MAMDC2: variants seen among roughly 807,000 people sequenced by gnomAD.
MAMDC2 encodes MAM domain containing 2.
A neutral mutation model predicts 89.8 loss-of-function variants in MAMDC2; 57 were observed. That is an observed-to-expected ratio of 0.63 (90% CI 0.51 to 0.79). The LOEUF is 0.79. MAMDC2 is among the 30% of genes least tolerant of loss of function. The pLI is 0.00. For missense variants in MAMDC2, 800 were observed against 820.6 expected (o/e 0.97, Z 0.31); for synonymous variants, 313 against 293.4 (o/e 1.07, Z -0.68).
intron 5 of MAMDC2, among the ~76,000 whole-genome samples, chr9:70,118,342 A>ACACACACACACACACACACACACC: frequency 8.5e-6 from 1 of 117,254 alleles, no homozygotes; most frequent in Non-Finnish European, 1.9e-5. Flanking sequence ...ACACACACAC[A>ACACACACACACACACACACACACC]CACACAGTCC....
intron 11 of MAMDC2, among the ~76,000 whole-genome samples, chr9:70,185,900 G>C (rs1487965737): frequency 6.6e-6 from 1 of 152,136 alleles, no homozygotes; most frequent in Non-Finnish European, 1.5e-5. Context: ...GTTCTGTCCT[G>C]CTGGGGTTCT....
intron 2 of MAMDC2, among the ~76,000 whole-genome samples, chr9:70,100,367 T>C (rs1446241810): frequency 6.6e-6 from 1 of 152,216 alleles, no homozygotes; most frequent in African/African-American, 2.4e-5. Context: ...TCAACCACTC[T>C]ACCATACTGT....
chr9:70,192,223 T>TA (rs951720802), intron 11 of MAMDC2, among the ~76,000 whole-genome samples: 47 of 152,108 alleles, frequency 3.1e-4, no homozygotes, highest in Middle Eastern at 3.4e-3. Context: ...GTGTTTTCTT[T>TA]AAAAAAAATG....
chr9:70,126,200 C>T lies in MAMDC2; in HGVS notation c.685C>T (p.Gln229Ter). Residue 229 changes from glutamine to a stop codon, truncating the protein, a stop_gained, in exon 6 of 14, where the codon CAG becomes TAG. Transcript: ENST00000377182. LOFTEE classifies it high-confidence loss of function. ...GGACTCAGTTTATGTGAAGCACTTCCAGGAGGTGGCACAGCTCATCTCCCC... is the reference window on the plus strand; with the variant it reads ...GGACTCAGTTTATGTGAAGCACTTCTAGGAGGTGGCACAGCTCATCTCCCC... ...YVDSVYVKHF[Q>*]EVAQLISPLT... 3 of 1,614,058 alleles carry T rather than the reference C, an allele frequency of 1.9e-6. No homozygotes were observed. Among genetic ancestry groups the T allele is most frequent in the Non-Finnish European group, 2.5e-6 (3 of 1,179,996 alleles).
chr9:70,164,745 T>A (rs1418867998), intron 9 of MAMDC2, among the ~76,000 whole-genome samples: 1 of 151,736 alleles, frequency 6.6e-6, no homozygotes, highest in Non-Finnish European at 1.5e-5. Flanking sequence ...AACTCCTGGG[T>A]TCAAGAGAGC....
chr9:70,070,368 G>A (rs1827374800), intron 2 of MAMDC2, among the ~76,000 whole-genome samples: 1 of 152,172 alleles, frequency 6.6e-6, no homozygotes. Context: ...TCAACAGTTT[G>A]AGGAATCACC....
chr9:70,175,243 T>C lies in MAMDC2; in HGVS notation c.1651+4612T>C, dbSNP rs530068614. ...ATGATGGTAAATTTGACTATGATAGTGGATTTGACTATGATGGCACATTTG... is the reference window on the plus strand; with the variant it reads ...ATGATGGTAAATTTGACTATGATAGCGGATTTGACTATGATGGCACATTTG... On this transcript the variant is annotated intron_variant, in intron 11 of 13. Coordinates refer to ENST00000377182, the MANE Select transcript of MAMDC2 (RefSeq NM_153267.5). 3.9e-5 allele frequency among the ~76,000 whole-genome samples: 6 copies of C among 152,318 alleles called. No homozygotes were observed. The East Asian group carries it at 1.2e-3, about 29-fold the overall frequency.
At chr9:70,212,042 G>T (rs745466299) in intron 11 of MAMDC2, among the ~76,000 whole-genome samples, 4 of 152,220 alleles carry the variant, frequency 2.6e-5, no homozygotes, top group Non-Finnish European at 4.4e-5. Context: ...GCCCCTACTG[G>T]GAGGTGTCTC....
At chr9:70,103,437 A>G (rs1455819644) in intron 2 of MAMDC2, among the ~76,000 whole-genome samples, 1 of 152,144 alleles carries the variant, frequency 6.6e-6, no homozygotes, top group Non-Finnish European at 1.5e-5. Context: ...TAAACCCCAC[A>G]TCTATCCTCA....
intron 4 of MAMDC2, among the ~76,000 whole-genome samples, chr9:70,110,227 T>A (rs1240742311): frequency 6.6e-6 from 1 of 152,204 alleles, no homozygotes; most frequent in East Asian, 1.9e-4. Flanking sequence ...AGTTGTCACT[T>A]AGATTTCACT....
chr9:70,190,629 T>C (rs1027658828), intron 11 of MAMDC2, among the ~76,000 whole-genome samples: 5 of 151,916 alleles, frequency 3.3e-5, no homozygotes, highest in African/African-American at 7.3e-5. Context: ...TCCAGAAATA[T>C]GTTAGAGCTT....
chr9:70,121,279 AG>A (rs1250111271), intron 5 of MAMDC2, among the ~76,000 whole-genome samples: 1 of 152,258 alleles, frequency 6.6e-6, no homozygotes, highest in Admixed American at 6.5e-5. Flanking sequence ...GCTGCAAGAA[AG>A]GAACAGACAG....
At chr9:70,211,138 G>A (rs146492606) in intron 11 of MAMDC2, among the ~76,000 whole-genome samples, 10,507 of 152,186 alleles carry the variant, frequency 0.069, 579 homozygotes, top group East Asian at 0.22. Flanking sequence ...TCTTTGTGGC[G>A]TTCTCTGAAT....
chr9:70,107,227 C>T (rs1285666091), intron 2 of MAMDC2, among the ~76,000 whole-genome samples: 1 of 152,052 alleles, frequency 6.6e-6, no homozygotes, highest in Non-Finnish European at 1.5e-5. Flanking sequence ...TTGGAAGGCT[C>T]GAGTTAAGGT....
chr9:70,128,067 A>T (rs954920995), intron 6 of MAMDC2, among the ~76,000 whole-genome samples: 1 of 152,236 alleles, frequency 6.6e-6, no homozygotes, highest in Non-Finnish European at 1.5e-5. Flanking sequence ...TTGCTCTACT[A>T]GTCTGAACTA....
chr9:70,060,909 ACACT>A (rs1221086287), intron 2 of MAMDC2, among the ~76,000 whole-genome samples: 1 of 152,190 alleles, frequency 6.6e-6, no homozygotes, highest in South Asian at 2.1e-4. Context: ...AACATGGAAA[ACACT>A]CTCTCTCATC....
chr9:70,198,078 G>A (rs528068779), intron 11 of MAMDC2, among the ~76,000 whole-genome samples: 57 of 113,736 alleles, frequency 5.0e-4, no homozygotes, highest in Non-Finnish European at 9.5e-4. Context: ...TATTATTGTT[G>A]TTTATCTCTT....
intron 2 of MAMDC2, chr9:70,092,735 T>C (rs983485571): frequency 6.6e-6 from 1 of 152,166 alleles, no homozygotes; most frequent in African/African-American, 2.4e-5. Flanking sequence ...GCTCTGCTAA[T>C]AGATGGATTT....
intron 11 of MAMDC2, among the ~76,000 whole-genome samples, chr9:70,192,391 A>C (rs1175496410): frequency 6.6e-6 from 1 of 152,088 alleles, no homozygotes; most frequent in East Asian, 1.9e-4. Flanking sequence ...ACTGCAAGCC[A>C]ACCAGTCATA....
Sources: allele counts gnomAD v4.1 joint callset (sites outside exome capture counted in the v4.1 genomes callset), GRCh38; gene constraint gnomAD v4.1.1; transcripts MANE v1.5; gene names NCBI Gene and HGNC (gene_info 2026-07-23, HGNC 2026-07-21).